Variants in USP10 observed in about 807,000 individuals in gnomAD.
USP10 encodes the protein ubiquitin specific peptidase 10, also known as ubiquitin carboxyl-terminal hydrolase 10.
USP10 carries 22 observed loss-of-function variants against 84.5 expected under a neutral mutation model. That is an observed-to-expected ratio of 0.26 (90% CI 0.19 to 0.37). The LOEUF (loss-of-function observed/expected upper bound fraction) is 0.37, where lower values mean the gene tolerates loss of function less well. USP10 is among the 10% of genes least tolerant of loss of function. The pLI, the probability that USP10 is intolerant of heterozygous loss-of-function variation, is 1.00. For synonymous variants in USP10, 454 were observed against 387.6 expected (o/e 1.17, Z -2.01); for missense variants, 1,019 against 998.9 (o/e 1.02, Z -0.27).
Position 84,745,147 on chromosome 16 carries a change from T to C in USP10, c.666T>C (p.Ile222=). The change falls in exon 4 of 14, where the codon ATT becomes ATC. Residue 222 remains isoleucine, a synonymous_variant. Coordinates refer to ENST00000219473, the MANE Select transcript of USP10 (RefSeq NM_005153.3). Reference sequence around the variant, plus strand: ...ACTCCACAGACTCTGTCAGTGACATTGTGCCTGACAGTCCTTTCCCCGGAG... The same window carrying C: ...ACTCCACAGACTCTGTCAGTGACATCGTGCCTGACAGTCCTTTCCCCGGAG... ...PQNSTDSVSD[I]VPDSPFPGAL... is the part of the protein sequence containing the mutation. 6.2e-7 allele frequency: 1 copy of C among 1,613,468 alleles called. No homozygotes were observed. Among genetic ancestry groups the C allele is most frequent in the South Asian group, 1.1e-5 (1 of 91,054 alleles).
At chr16:84,711,510 T>G (rs565691776) in intron 1 of USP10, among the ~76,000 whole-genome samples, 1 of 152,260 alleles carries the variant, frequency 6.6e-6, no homozygotes, top group South Asian at 2.1e-4. Context: ...CCTGCTCTCT[T>G]TTGCTGTTGT....
At chr16:84,764,695 G>A (rs974396193) in intron 10 of USP10, among the ~76,000 whole-genome samples, 1 of 152,016 alleles carries the variant, frequency 6.6e-6, no homozygotes, top group East Asian at 1.9e-4. Context: ...ACCAGGTGTG[G>A]TGACAGGCAC....
intron 1 of USP10, among the ~76,000 whole-genome samples, chr16:84,725,668 T>TA (rs974523200): frequency 6.6e-6 from 1 of 152,060 alleles, no homozygotes; most frequent in Non-Finnish European, 1.5e-5. Flanking sequence ...CCCCCCAGAG[T>TA]GCTGGGATTA....
At chr16:84,738,786 C>G (rs1315010875) in intron 2 of USP10, among the ~76,000 whole-genome samples, 1 of 152,128 alleles carries the variant, frequency 6.6e-6, no homozygotes, top group Admixed American at 6.5e-5. Flanking sequence ...CAGAGAGAAG[C>G]TTTTATTGCT....
At chr16:84,764,407 C>G in intron 10 of USP10, 144 bp downstream of exon 10, 1 of 1,091,202 alleles carries the variant, frequency 9.2e-7, no homozygotes, top group Non-Finnish European at 1.3e-6. Flanking sequence ...TTCTCTTGCA[C>G]TTCCTGATGC....
chr16:84,748,245 T>C (rs1179952001), intron 4 of USP10, among the ~76,000 whole-genome samples: 2 of 151,008 alleles, frequency 1.3e-5, no homozygotes, highest in African/African-American at 4.9e-5. Flanking sequence ...TAATGAGAAA[T>C]GCATGGTGGG....
chr16:84,740,202 A>C, intron 2 of USP10, 107 bp from the exon 3 acceptor site: 1 of 968,388 alleles, frequency 1.0e-6, no homozygotes, highest in African/African-American at 1.6e-5. Flanking sequence ...ACGGCATGCA[A>C]AGTTGTATGG....
At chr16:84,772,171 C>T (rs1417765681) in intron 11 of USP10, among the ~76,000 whole-genome samples, 1 of 152,128 alleles carries the variant, frequency 6.6e-6, no homozygotes, top group Non-Finnish European at 1.5e-5. Context: ...CTTGCCTCTG[C>T]CACCCAGGTA....
At chr16:84,726,818 C>T (rs781358790) in intron 1 of USP10, among the ~76,000 whole-genome samples, 38 of 152,240 alleles carry the variant, frequency 2.5e-4, no homozygotes, top group Non-Finnish European at 3.2e-4. Context: ...TTTGCTCCCC[C>T]GAATCGCAGG....
chr16:84,713,336 GTC>G (rs1244395836), intron 1 of USP10, among the ~76,000 whole-genome samples: 2 of 151,976 alleles, frequency 1.3e-5, no homozygotes, highest in Non-Finnish European at 2.9e-5. Context: ...CTTTCAGTGA[GTC>G]TCTGTGCCTG....
At chr16:84,733,332 T>C (rs1172271208) in intron 1 of USP10, 103 bp from the exon 2 acceptor site, 1 of 875,000 alleles carries the variant, frequency 1.1e-6, no homozygotes, top group Non-Finnish European at 1.8e-6. Context: ...TTGGGGGTTA[T>C]GGCCCAAATG....
At position 84,707,613 on chromosome 16, in the gene USP10, T is replaced by C. The variant is rs117776868; in HGVS notation, c.21+7502T>C. The stretch of plus-strand genomic sequence containing the variant: ...TGAGCAAACCTTGTTTTCAAAATTA[T>C]TGAAAACATCCACTGAAGTCAGTTT... On this transcript the variant is annotated intron_variant, in intron 1 of 13. Transcript: ENST00000219473. Among the ~76,000 whole-genome samples the C allele has an allele frequency of 9.4e-3, 1,437 of 152,346 alleles. 11 individuals are homozygous for C. The highest frequency in any genetic ancestry group is 0.012 in the Non-Finnish European group (795 of 68,034).
Position 84,779,027 on chromosome 16 carries a change from C to G in USP10, c.2342C>G (p.Pro781Arg), listed in dbSNP as rs1272484170. The G allele has an allele frequency of 6.2e-7, 1 of 1,613,876 alleles. No individual in the cohort carries two copies. The highest frequency in any genetic ancestry group is 1.3e-5 in the African/African-American group (1 of 74,928). ...KVINQYQVVK[P>R]TAERTAYLLY... ...ATCAACCAGTACCAGGTGGTGAAAC[C>G]AACTGCTGAACGCACAGCCTACCTC... Residue 781 changes from proline to arginine, a missense_variant, in exon 14 of 14, where the codon CCA (proline) becomes CGA (arginine). Transcript: ENST00000219473.
intron 11 of USP10, among the ~76,000 whole-genome samples, chr16:84,771,797 G>A (rs568137374): frequency 6.6e-6 from 1 of 152,286 alleles, no homozygotes; most frequent in East Asian, 1.9e-4. Flanking sequence ...GAACCCGGGA[G>A]ACGGATGTTG....
chr16:84,756,347 C>G (rs774869999), intron 4 of USP10, among the ~76,000 whole-genome samples: 1 of 152,236 alleles, frequency 6.6e-6, no homozygotes, highest in Non-Finnish European at 1.5e-5. Flanking sequence ...AATCCAAGCA[C>G]TTTGGGAGAC....
chr16:84,775,290 A>G, intron 13 of USP10, 65 bp downstream of exon 13: 1 of 1,548,826 alleles, frequency 6.5e-7, no homozygotes, highest in South Asian at 1.1e-5. Flanking sequence ...ACAGCTGGGC[A>G]CAGGTTTGCT....
At chr16:84,707,324 A>ATGTTACTGT (rs1204654384) in intron 1 of USP10, among the ~76,000 whole-genome samples, 3 of 152,242 alleles carry the variant, frequency 2.0e-5, no homozygotes, top group Admixed American at 6.5e-5. Flanking sequence ...TTACTATAAT[A>ATGTTACTGT]TGTTACTATT....
At chr16:84,727,751 A>T (rs960313295) in intron 1 of USP10, among the ~76,000 whole-genome samples, 5 of 152,236 alleles carry the variant, frequency 3.3e-5, no homozygotes, top group African/African-American at 1.2e-4. Flanking sequence ...TTCAGGGAAG[A>T]TTACATACAC....
At chr16:84,769,358 G>C (rs1242367951) in intron 11 of USP10, among the ~76,000 whole-genome samples, 5 of 152,154 alleles carry the variant, frequency 3.3e-5, no homozygotes, top group Admixed American at 6.5e-5. Flanking sequence ...CCAGGCTCTG[G>C]GGGGATCAGT....
Sources: allele counts gnomAD v4.1 joint callset (sites outside exome capture counted in the v4.1 genomes callset), GRCh38; gene constraint gnomAD v4.1.1; transcripts MANE v1.5; gene names NCBI Gene and HGNC (gene_info 2026-07-23, HGNC 2026-07-21).